Variants in DCTN4 observed in about 807,000 individuals in gnomAD.
The protein encoded by DCTN4 is dynactin 4 (p62).
DCTN4 carries 23 observed loss-of-function variants against 62.7 expected under a neutral mutation model. That is an observed-to-expected ratio of 0.37 (90% confidence interval 0.26 to 0.52). The LOEUF (loss-of-function observed/expected upper bound fraction) is 0.52, where lower values mean the gene tolerates loss of function less well. Ranked by LOEUF, DCTN4 falls within the 20% of genes least tolerant of loss-of-function variation. DCTN4 has a pLI of 0.92. For synonymous variants in DCTN4, 199 were observed against 202.1 expected (o/e 0.98, Z 0.13); for missense variants, 514 against 580.4 (o/e 0.89, Z 1.18).
intron 4 of DCTN4, among the ~76,000 whole-genome samples, chr5:150,738,951 T>C (rs1376123918): frequency 6.6e-6 from 1 of 152,134 alleles, no homozygotes; most frequent in Non-Finnish European, 1.5e-5. Context: ...CCGAACACTT[T>C]GGGAGGCCGA....
At chr5:150,758,389 GA>G (rs1752939883) in intron 1 of DCTN4, 13 of 987,728 alleles carry the variant, frequency 1.3e-5, no homozygotes, top group Non-Finnish European at 1.4e-5. Flanking sequence ...CCTGAGTCAG[GA>G]ACAGGGCAAG....
chr5:150,756,056 T>C (rs1470920712), intron 2 of DCTN4, among the ~76,000 whole-genome samples: 1 of 151,532 alleles, frequency 6.6e-6, no homozygotes, highest in Non-Finnish European at 1.5e-5. Flanking sequence ...TTTTTTTTTT[T>C]TTTGAGACAA....
At chr5:150,733,725 T>C (rs554268366) in intron 4 of DCTN4, 1 of 365,332 alleles carries the variant, frequency 2.7e-6, no homozygotes, top group African/African-American at 2.1e-5. Context: ...GCTCTCTAAC[T>C]TCATTACTTA....
intron 11 of DCTN4, among the ~76,000 whole-genome samples, chr5:150,716,711 C>T (rs1237703411): frequency 2.0e-5 from 3 of 152,006 alleles, no homozygotes; most frequent in East Asian, 1.9e-4. Flanking sequence ...CAAGGTCAAG[C>T]GATTGAGACC....
chr5:150,733,791 T>G (rs1760474875), intron 4 of DCTN4: 1 of 214,356 alleles, frequency 4.7e-6, no homozygotes, highest in Non-Finnish European at 9.4e-6. Flanking sequence ...ACCACTTATT[T>G]CTAAGAACAT....
At chr5:150,716,716 G>A (rs951349989) in intron 11 of DCTN4, among the ~76,000 whole-genome samples, 2 of 152,118 alleles carry the variant, frequency 1.3e-5, no homozygotes, top group Non-Finnish European at 2.9e-5. Context: ...TCAAGCGATT[G>A]AGACCATCCT....
At chr5:150,738,111 G>A (rs747664195) in intron 4 of DCTN4, among the ~76,000 whole-genome samples, 1 of 151,896 alleles carries the variant, frequency 6.6e-6, no homozygotes, top group Non-Finnish European at 1.5e-5. Flanking sequence ...CAGTGAGATT[G>A]AAATGGTAAT....
At chr5:150,723,277 T>G (rs1416804059) in intron 8 of DCTN4, among the ~76,000 whole-genome samples, 2 of 152,216 alleles carry the variant, frequency 1.3e-5, no homozygotes, top group Non-Finnish European at 2.9e-5. Context: ...CTCACTGGTT[T>G]AACTGGATTT....
intron 3 of DCTN4, among the ~76,000 whole-genome samples, chr5:150,743,481 C>T (rs184992232): frequency 0.011 from 1,697 of 152,276 alleles, 30 homozygotes; most frequent in African/African-American, 0.037. Context: ...GATCTGAGAA[C>T]GGGCAGACTG....
intron 10 of DCTN4, among the ~76,000 whole-genome samples, chr5:150,718,669 A>C (rs1006668422): frequency 6.6e-6 from 1 of 152,158 alleles, no homozygotes; most frequent in Non-Finnish European, 1.5e-5. Flanking sequence ...TATCTAAGTG[A>C]AGTTAAAACT....
chr5:150,757,929 C>T (rs559310962), intron 1 of DCTN4: 2 of 265,216 alleles, frequency 7.5e-6, no homozygotes, highest in South Asian at 1.5e-4. Flanking sequence ...ACAGCGAACA[C>T]TCTGTATCTG....
intron 2 of DCTN4, among the ~76,000 whole-genome samples, chr5:150,753,966 A>C (rs1183645249): frequency 1.3e-5 from 2 of 152,362 alleles, no homozygotes; most frequent in Admixed American, 6.5e-5. Flanking sequence ...TGAGGAAGAG[A>C]ACTGTCACAG....
intron 9 of DCTN4, among the ~76,000 whole-genome samples, chr5:150,720,609 G>C (rs1759923800): frequency 6.6e-6 from 1 of 151,920 alleles, no homozygotes. Context: ...CTCCCAAGTA[G>C]CTGGGAGTAC....
intron 11 of DCTN4, among the ~76,000 whole-genome samples, chr5:150,716,714 T>C (rs745354723): frequency 1.3e-5 from 2 of 152,104 alleles, no homozygotes; most frequent in African/African-American, 2.4e-5. Context: ...GGTCAAGCGA[T>C]TGAGACCATC....
intron 3 of DCTN4, among the ~76,000 whole-genome samples, chr5:150,747,974 A>C (rs1418652093): frequency 1.4e-5 from 2 of 144,472 alleles, no homozygotes; most frequent in Middle Eastern, 3.3e-3. Context: ...TCTGCACAGC[A>C]AAAGAAACTA....
intron 4 of DCTN4, chr5:150,734,174 A>C (rs2113069985): frequency 6.6e-6 from 1 of 152,286 alleles, no homozygotes; most frequent in East Asian, 1.9e-4. Context: ...ACATGTGGAG[A>C]CTCACACTGT....
At position 150,758,287 on chromosome 5, in the gene DCTN4, T is replaced by C. The variant is rs904158876; in HGVS notation, c.135+572A>G. 12 of 985,540 alleles carry C rather than the reference T, an allele frequency of 1.2e-5. No homozygotes were observed. The African/African-American group carries it at 1.9e-4, about 16-fold the overall frequency. The allele number at this position is 985,540 out of a possible 1,614,324, so 61.0% of individuals were successfully genotyped here. A position where few individuals can be genotyped will look rare whatever the true frequency, so the allele number is the denominator to read the frequency against. On this transcript the variant is annotated intron_variant, in intron 1 of 12. Transcript: ENST00000447998. ...CAGCATTGTCCTCTAGCTCCATAAA[T>C]ACACTTTCAGCTTCTTACATGACAT... is the stretch of plus-strand genomic sequence containing the variant.
chr5:150,712,439 T>C (rs1336569411), intron 12 of DCTN4, among the ~76,000 whole-genome samples: 1 of 152,046 alleles, frequency 6.6e-6, no homozygotes, highest in African/African-American at 2.4e-5. Context: ...CTTATTTTTA[T>C]TTTTTAGAGA....
At position 150,730,626 on chromosome 5, in the gene DCTN4, C is replaced by T. The variant is rs1760323407; in HGVS notation, c.834+5G>A. 2.5e-6 allele frequency: 4 copies of T among 1,612,788 alleles called. No individual in the cohort carries two copies. The highest frequency in any genetic ancestry group is 1.1e-5 in the South Asian group (1 of 90,976). On this transcript the variant is annotated splice_donor_5th_base_variant and intron_variant, in intron 8 of 12. Coordinates refer to ENST00000447998, the MANE Select transcript of DCTN4 (RefSeq NM_016221.4). ...AATGGTCAGTCTACAGAATGGAATA[C>T]TTACACGGCAGCGCAGGGACCGTTT...
Sources: allele counts gnomAD v4.1 joint callset (sites outside exome capture counted in the v4.1 genomes callset), GRCh38; gene constraint gnomAD v4.1.1; transcripts MANE v1.5; gene names NCBI Gene and HGNC (gene_info 2026-07-23, HGNC 2026-07-21).